LRP1: variants seen among roughly 807,000 people sequenced by gnomAD.
LRP1 encodes LDL receptor related protein 1, also known as prolow-density lipoprotein receptor-related protein 1.
In LRP1, 51 loss-of-function variants were observed where a neutral mutation model predicts 541.5. The ratio of observed to expected loss-of-function variants is 0.09; its 90% confidence interval spans 0.08 to 0.12. The LOEUF (loss-of-function observed/expected upper bound fraction) is 0.12, where lower values mean the gene tolerates loss of function less well. LRP1 is among the 10% of genes least tolerant of loss of function. The pLI, the probability that LRP1 is intolerant of heterozygous loss-of-function variation, is 1.00. For missense variants in LRP1, 3,878 were observed against 6,376.2 expected (o/e 0.61, Z 13.34); for synonymous variants, 2,219 against 2,470.8 (o/e 0.90, Z 3.02).
chr12:57,129,063 C>T, intron 1 of LRP1, 32 bp downstream of exon 1: 1 of 1,547,760 alleles, frequency 6.5e-7, no homozygotes, highest in Non-Finnish European at 8.7e-7. Context: ...CCTTGGACCC[C>T]TGGGGGCACC....
Position 57,173,774 on chromosome 12 carries a change from C to T in LRP1, c.3347-6C>T. On this transcript the variant is annotated splice_polypyrimidine_tract_variant and splice_region_variant and intron_variant, in intron 21 of 88. Transcript: ENST00000243077. This position sits in a 1 kb window ranked among gnomAD's most constrained non-coding sequence, Gnocchi z 4.7. ...CCTGGGCCCTCATAGTGCACCTGTC[C>T]CTCAGCTCGGTGCATCAGCAAAGCG... The T allele has an allele frequency of 6.2e-7, 1 of 1,613,924 alleles. No homozygotes were observed. Among genetic ancestry groups the T allele is most frequent in the Non-Finnish European group, 8.5e-7 (1 of 1,179,804 alleles).
chr12:57,202,426 C>T lies in LRP1; in HGVS notation c.10600C>T (p.Arg3534Cys), dbSNP rs766415186. 8 of 1,611,628 alleles carry T rather than the reference C, an allele frequency of 5.0e-6. No homozygotes were observed. Among genetic ancestry groups the T allele is most frequent in the Non-Finnish European group, 6.8e-6 (8 of 1,178,422 alleles). ...SDEPKEECDE[R>C]TCEPYQFRCK... ...CTGACACTTGCCTCCTCCAGATGAA[C>T]GCACCTGTGAGCCATACCAGTTCCG... The change falls in exon 68 of 89, where the codon CGC becomes TGC. Residue 3534 changes from arginine (R) to cysteine (C), a missense_variant. By Grantham distance (180) the Arg-to-Cys change is radical. Around this residue, in one of 13 missense-constraint regions of LRP1, gnomAD observed 278 missense variants for 536.3 expected, o/e 0.52. Coordinates refer to ENST00000243077, the MANE Select transcript of LRP1 (RefSeq NM_002332.3).
chr12:57,193,517 C>T, intron 46 of LRP1, 49 bp from the exon 47 acceptor site: 1 of 1,598,734 alleles, frequency 6.3e-7, no homozygotes, highest in Non-Finnish European at 8.5e-7. Flanking sequence ...GGGAGGCAGC[C>T]CTTTCCCTGT....
chr12:57,131,756 C>T (rs1180869617), intron 1 of LRP1, among the ~76,000 whole-genome samples: 3 of 152,062 alleles, frequency 2.0e-5, no homozygotes, highest in South Asian at 4.1e-4. Context: ...GTTCTCTCTC[C>T]TCTCTTCATT....
In LRP1 at chr12:57,201,058, A is replaced by C; in HGVS notation, c.10250A>C (p.Gln3417Pro). The change falls in exon 65 of 89, where the codon CAG becomes CCG. Residue 3417 changes from glutamine (Q) to proline (P), a missense_variant. This residue lies in a region of LRP1 where 278 missense variants were observed against 536.3 expected (regional missense o/e 0.52). Coordinates refer to ENST00000243077, the MANE Select transcript of LRP1 (RefSeq NM_002332.3). The surrounding 1 kb of genome is among the most constrained non-coding windows in gnomAD (Gnocchi z 6.4). Reference protein sequence around the residue: ...NCDIHVCLPSQFKCTNTNRCI... With the variant: ...NCDIHVCLPSPFKCTNTNRCI... ...GACATCCACGTCTGCTTGCCCAGTC[A>C]GTTCAAATGCACCAACACCAACCGC... The C allele has an allele frequency of 6.2e-7, 1 of 1,614,024 alleles. No homozygotes were observed. Among genetic ancestry groups the C allele is most frequent in the Non-Finnish European group, 8.5e-7 (1 of 1,180,000 alleles).
Position 57,183,280 on chromosome 12 carries a change from T to A in LRP1, c.5663-99T>A, listed in dbSNP as rs932269164. 56 of 1,258,928 alleles carry A rather than the reference T, an allele frequency of 4.4e-5. No individual in the cohort carries two copies. The highest frequency in any genetic ancestry group is 3.7e-4 in the Admixed American group (19 of 50,878). 78.0% of individuals were successfully genotyped at this position (1,258,928 alleles called of 1,614,324 possible). On this transcript the variant is annotated intron_variant, in intron 34 of 88. Coordinates refer to ENST00000243077, the MANE Select transcript of LRP1 (RefSeq NM_002332.3). The surrounding 1 kb of genome is among the most constrained non-coding windows in gnomAD (Gnocchi z 6.1). ...GGATAGGGATGATGGTGGGGGGGGA[T>A]GATATCAAAGGAGAAGCAGAGAACA...
chr12:57,195,621 G>A, intron 52 of LRP1, 37 bp from the exon 53 acceptor site: 2 of 1,613,798 alleles, frequency 1.2e-6, no homozygotes, highest in Non-Finnish European at 1.7e-6. Flanking sequence ...CCGCTGGCCA[G>A]GCAGGGCTGA....
In LRP1 at chr12:57,183,677, G is replaced by A. The variant is rs912212923; in HGVS notation, c.5795-98G>A. ...TCCCCTTCAAGCACCTGGCCCCTCC[G>A]GCACTCTCTCACCTCTGTCTTGAGC... is the stretch of plus-strand genomic sequence containing the variant. On this transcript the variant is annotated intron_variant, in intron 35 of 88. Coordinates refer to ENST00000243077, the MANE Select transcript of LRP1 (RefSeq NM_002332.3). The surrounding 1 kb of genome is among the most constrained non-coding windows in gnomAD (Gnocchi z 6.1). 47 of 1,542,062 alleles carry A rather than the reference G, an allele frequency of 3.0e-5. No individual in the cohort carries two copies. The highest frequency in any genetic ancestry group is 1.7e-4 in the Middle Eastern group (1 of 5,896).
chr12:57,129,132 C>T, intron 1 of LRP1, 101 bp downstream of exon 1: 1 of 1,260,272 alleles, frequency 7.9e-7, no homozygotes, highest in East Asian at 2.6e-5. Context: ...GAGGGGGTGC[C>T]TTTTGTTATC....
intron 13 of LRP1, 120 bp downstream of exon 13, chr12:57,161,235 A>G: frequency 1.5e-5 from 13 of 863,928 alleles, no homozygotes; most frequent in Middle Eastern, 3.4e-4. Flanking sequence ...GTGTGCCTCT[A>G]TAGATGTGTG....
intron 6 of LRP1, chr12:57,149,244 G>T: frequency 2.3e-6 from 1 of 438,824 alleles, no homozygotes; most frequent in Non-Finnish European, 4.0e-6. Context: ...GCTGTTTGGG[G>T]AGGGGTGGCT....
intron 20 of LRP1, among the ~76,000 whole-genome samples, chr12:57,170,115 C>T (rs1019639216): frequency 2.0e-5 from 3 of 152,174 alleles, no homozygotes; most frequent in South Asian, 4.1e-4. Flanking sequence ...CTTGGCTTGT[C>T]GAAGCTTGAC....
Position 57,190,967 on chromosome 12 carries a change from G to A in LRP1, c.7194G>A (p.Leu2398=). 2 of 1,612,848 alleles carry A rather than the reference G, an allele frequency of 1.2e-6. No homozygotes were observed. Among genetic ancestry groups the A allele is most frequent in the South Asian group, 1.1e-5 (1 of 91,084 alleles). Residue 2398 remains leucine, a synonymous_variant, in exon 43 of 89, where the codon CTG becomes CTA. Transcript: ENST00000243077. The stretch of plus-strand genomic sequence containing the variant: ...AGCTCTACTTCTCTGACGCCACCCT[G>A]GACAAGATCGAGCGGTGCGAGTATG... The part of the protein sequence containing the change: ...AEKLYFSDAT[L]DKIERCEYDG...
At chr12:57,194,239 G>A (rs1412585293) in intron 48 of LRP1, 115 bp from the exon 49 acceptor site, 1 of 1,250,802 alleles carries the variant, frequency 8.0e-7, no homozygotes, top group African/African-American at 1.5e-5. Flanking sequence ...TGCCCCACCA[G>A]AAGGGCACCG....
At chr12:57,167,399 G>A (rs1318881225) in intron 18 of LRP1, 45 bp from the exon 19 acceptor site, 11 of 1,359,918 alleles carry the variant, frequency 8.1e-6, no homozygotes, top group South Asian at 1.2e-5. Context: ...CTGTGATGCT[G>A]TGTAATCGTG....
chr12:57,149,693 G>T (rs920547874), intron 6 of LRP1: 6 of 735,550 alleles, frequency 8.2e-6, no homozygotes, highest in East Asian at 5.0e-5. Context: ...GGAGCAGGAA[G>T]AGAGCCCAGG....
intron 42 of LRP1, 21 bp from the exon 43 acceptor site, chr12:57,190,784 C>A (rs1222175885): frequency 6.8e-6 from 11 of 1,610,234 alleles, no homozygotes; most frequent in Non-Finnish European, 9.3e-6. Context: ...GCCTCCTGAT[C>A]TCTGGACCCT....
chr12:57,154,302 C>T lies in LRP1; in HGVS notation c.936C>T (p.Asp312=). The change falls in exon 7 of 89, where the codon GAC becomes GAT. Residue 312 remains aspartate, a synonymous_variant. Coordinates refer to ENST00000243077, the MANE Select transcript of LRP1 (RefSeq NM_002332.3). The surrounding 1 kb of genome is among the most constrained non-coding windows in gnomAD (Gnocchi z 4.6). ...DRIFVCNRNG[D]TCVTLLDLEL... is the part of the protein sequence containing the mutation. Reference sequence around the variant, plus strand: ...TCTTTGTCTGCAACAGAAATGGGGACACATGTGTCACATTGCTAGACCTGG... The same window carrying T: ...TCTTTGTCTGCAACAGAAATGGGGATACATGTGTCACATTGCTAGACCTGG... 1.2e-6 allele frequency: 2 copies of T among 1,614,136 alleles called. No individual in the cohort carries two copies. Among genetic ancestry groups the T allele is most frequent in the Non-Finnish European group, 1.7e-6 (2 of 1,179,998 alleles).
chr12:57,190,527 G>A (rs965355452), intron 42 of LRP1, among the ~76,000 whole-genome samples: 2 of 152,222 alleles, frequency 1.3e-5, no homozygotes, highest in Non-Finnish European at 2.9e-5. Context: ...GGCTGCACCG[G>A]CTCTCTTCTC....
Sources: allele counts gnomAD v4.1 joint callset (sites outside exome capture counted in the v4.1 genomes callset), GRCh38; gene constraint gnomAD v4.1.1; regional missense constraint gnomAD v4.1.1; non-coding constraint Gnocchi (gnomAD v3.1); transcripts MANE v1.5; gene names NCBI Gene and HGNC (gene_info 2026-07-23, HGNC 2026-07-21).